The following IQGAP1 variants were observed in gnomAD, a reference collection of about 807,000 sequenced individuals.
The protein encoded by IQGAP1 is ras GTPase-activating-like protein IQGAP1.
IQGAP1 carries 66 observed loss-of-function variants against 215.6 expected under a neutral mutation model. The observed-to-expected ratio is 0.31, with a 90% CI of 0.25 to 0.38. IQGAP1 has a LOEUF of 0.38. IQGAP1 is among the 10% of genes least tolerant of loss of function. The pLI is 1.00. For synonymous variants in IQGAP1, 772 were observed against 728.7 expected, an observed-to-expected ratio of 1.06 and a Z score of -0.96; for missense variants, 1,712 against 1,997.1, an observed-to-expected ratio of 0.86 and a Z score of 2.72.
chr15:90,395,397 T>G (rs895788971), intron 2 of IQGAP1, among the ~76,000 whole-genome samples: 1 of 151,878 alleles, frequency 6.6e-6, no homozygotes, highest in Non-Finnish European at 1.5e-5. Flanking sequence ...CTCGGCTCAC[T>G]GCAAGCTCCG....
intron 5 of IQGAP1, among the ~76,000 whole-genome samples, chr15:90,437,476 GAAAAATATATA>G (rs1233416539): frequency 1.3e-5 from 2 of 151,982 alleles, no homozygotes; most frequent in African/African-American, 4.8e-5. Flanking sequence ...GTATTAGTGA[GAAAAATATATA>G]AAAAATATAT....
At chr15:90,495,448 G>A (rs145518335) in intron 36 of IQGAP1, among the ~76,000 whole-genome samples, 7 of 151,868 alleles carry the variant, frequency 4.6e-5, no homozygotes, top group African/African-American at 1.4e-4. Flanking sequence ...ATATGTATTC[G>A]TTATTAAACT....
intron 9 of IQGAP1, among the ~76,000 whole-genome samples, chr15:90,445,649 T>A (rs1965516856): frequency 6.6e-6 from 1 of 152,172 alleles, no homozygotes. Context: ...AAGGTTTGAT[T>A]TCAACCAACT....
intron 18 of IQGAP1, among the ~76,000 whole-genome samples, chr15:90,469,019 T>C (rs768528521): frequency 6.6e-6 from 1 of 152,196 alleles, no homozygotes; most frequent in East Asian, 1.9e-4. Flanking sequence ...TTTGTGCTTG[T>C]CTATGCCCCC....
intron 2 of IQGAP1, among the ~76,000 whole-genome samples, chr15:90,410,664 C>T (rs1964948005): frequency 7.2e-6 from 1 of 139,838 alleles, no homozygotes; most frequent in Non-Finnish European, 1.5e-5. Flanking sequence ...GGGTGGGGAA[C>T]ATCACACACT....
At chr15:90,442,267 G>C (rs1286723706) in intron 8 of IQGAP1, among the ~76,000 whole-genome samples, 1 of 152,062 alleles carries the variant, frequency 6.6e-6, no homozygotes, top group East Asian at 1.9e-4. Context: ...GACCAGCCTG[G>C]CCAACATGGC....
intron 2 of IQGAP1, among the ~76,000 whole-genome samples, chr15:90,402,146 C>G (rs1278069708): frequency 6.6e-6 from 1 of 152,200 alleles, no homozygotes; most frequent in African/African-American, 2.4e-5. Context: ...TCTCTTCCAC[C>G]TGCCACCTGA....
chr15:90,495,667 G>A (rs180961651), intron 36 of IQGAP1, among the ~76,000 whole-genome samples: 48 of 133,526 alleles, frequency 3.6e-4, no homozygotes, highest in East Asian at 1.1e-3. Flanking sequence ...TTTTTTTCAC[G>A]GAGTCTCTCT....
rs764942114 is a variant in IQGAP1, at chr15:90,448,559, C to T, written c.914-14C>T. On this transcript the variant is annotated splice_polypyrimidine_tract_variant and intron_variant, in intron 9 of 37. Coordinates refer to ENST00000268182, the MANE Select transcript of IQGAP1 (RefSeq NM_003870.4). ...AACATAGTCCTTTCACAAGCTTTTG[C>T]CTTTTTTCCTCAGCATTTTCTGCAT... is the stretch of plus-strand genomic sequence containing the variant. The T allele has an allele frequency of 2.6e-6, 4 of 1,556,292 alleles. No individual in the cohort carries two copies. The African/African-American group carries it at 4.2e-5, about 16-fold the overall frequency.
intron 2 of IQGAP1, among the ~76,000 whole-genome samples, chr15:90,419,140 G>GAAAAAAAAAAAA (rs200209041): frequency 8.9e-6 from 1 of 112,148 alleles, no homozygotes; most frequent in African/African-American, 3.3e-5. Flanking sequence ...TCTCAAAAAA[G>GAAAAAAAAAAAA]AAAAAAAAAA....
In IQGAP1 at chr15:90,484,271, T is replaced by C; in HGVS notation, c.3840T>C (p.Asn1280=). ...CDVPELQDKF[N]VDEYSDLVTL... is the part of the protein sequence containing the mutation. ...TCCCAGAGCTTCAGGATAAATTTAA[T>C]GTGGATGAGTACTCTGATTTAGTAA... The change falls in exon 30 of 38, where the codon AAT becomes AAC. Residue 1280 remains asparagine (N), a synonymous_variant. Transcript: ENST00000268182. 6.2e-7 allele frequency: 1 copy of C among 1,613,712 alleles called. No homozygotes were observed. The highest frequency in any genetic ancestry group is 1.1e-5 in the South Asian group (1 of 91,068).
chr15:90,425,665 C>G (rs1436196093), intron 2 of IQGAP1, among the ~76,000 whole-genome samples: 1 of 152,142 alleles, frequency 6.6e-6, no homozygotes, highest in East Asian at 1.9e-4. Context: ...AAACTTGGAC[C>G]TAGAAATTCA....
chr15:90,434,979 C>T (rs1472461562), intron 5 of IQGAP1, among the ~76,000 whole-genome samples: 3 of 152,174 alleles, frequency 2.0e-5, no homozygotes, highest in Non-Finnish European at 4.4e-5. Flanking sequence ...TCTTATATGG[C>T]ATCCTCTATG....
chr15:90,444,243 CTGTGTG>C lies in IQGAP1; in HGVS notation c.913+797_913+802del, dbSNP rs34494521. Among the ~76,000 whole-genome samples, 1,012 of 126,942 alleles carry C rather than the reference CTGTGTG, an allele frequency of 8.0e-3. 4 individuals are homozygous for C. The highest frequency in any genetic ancestry group is 0.012 in the Non-Finnish European group (743 of 62,326). 83.3% of individuals were successfully genotyped at this position (126,942 alleles called of 152,430 possible). ...GCATTTTTTTGTATGTCCTTCAAAA[CTGTGTG>C]TGTGTGTGTGTGTGTGTGTGTGTGT... is the stretch of plus-strand genomic sequence containing the variant. On this transcript the variant is annotated intron_variant, in intron 9 of 37. Coordinates refer to ENST00000268182, the MANE Select transcript of IQGAP1 (RefSeq NM_003870.4).
intron 10 of IQGAP1, 109 bp downstream of exon 10, chr15:90,448,845 T>G: frequency 1.0e-6 from 1 of 977,292 alleles, no homozygotes; most frequent in Non-Finnish European, 1.4e-6. Flanking sequence ...CAATACGACT[T>G]TTTCCTCTGC....
chr15:90,475,816 T>C (rs1965972074), intron 23 of IQGAP1: 1 of 151,208 alleles, frequency 6.6e-6, no homozygotes, highest in African/African-American at 2.4e-5. Flanking sequence ...AAAATTTTGA[T>C]AGAGAAAAGA....
Position 90,456,129 on chromosome 15 carries a change from A to C in IQGAP1, c.1613-23A>C, listed in dbSNP as rs182445260. The C allele has an allele frequency of 2.4e-4, 390 of 1,597,690 alleles. No homozygotes were observed. The African/African-American group carries it at 4.7e-3, about 19-fold the overall frequency. On this transcript the variant is annotated intron_variant, in intron 14 of 37. Coordinates refer to ENST00000268182, the MANE Select transcript of IQGAP1 (RefSeq NM_003870.4). ...GTACTTCCTTAATTAGAAAAAAAAA[A>C]CTTTCTGTCTCTTTATATTTAGGGA...
intron 11 of IQGAP1, among the ~76,000 whole-genome samples, chr15:90,451,872 C>G (rs1965608881): frequency 6.6e-6 from 1 of 151,420 alleles, no homozygotes; most frequent in South Asian, 2.1e-4. Flanking sequence ...ACTCTGTTGC[C>G]AGGCTGGAGT....
At chr15:90,458,267 G>A (rs1422762973) in intron 15 of IQGAP1, among the ~76,000 whole-genome samples, 1 of 152,084 alleles carries the variant, frequency 6.6e-6, no homozygotes, top group Non-Finnish European at 1.5e-5. Flanking sequence ...TTATTCATGA[G>A]TTGATGACAC....
Sources: allele counts gnomAD v4.1 joint callset (sites outside exome capture counted in the v4.1 genomes callset), GRCh38; gene constraint gnomAD v4.1.1; transcripts MANE v1.5; gene names NCBI Gene and HGNC (gene_info 2026-07-23, HGNC 2026-07-21).